The following FCHO2 variants were observed in gnomAD, a reference collection of about 807,000 sequenced individuals.
FCHO2 encodes FCH and mu domain containing endocytic adaptor 2.
Under a neutral mutation model 114.1 loss-of-function variants are expected in FCHO2, and 43 were observed. That is an observed-to-expected ratio of 0.38 (90% CI 0.30 to 0.49). The LOEUF is 0.49. FCHO2 is among the 20% of genes least tolerant of loss of function. The probability of loss-of-function intolerance (pLI) is 0.97; values close to 1 mark genes in which losing one functional copy is unlikely to be tolerated. For missense variants in FCHO2, 807 were observed against 950.4 expected, an observed-to-expected ratio of 0.85 and a Z score of 1.98; for synonymous variants, 293 against 315.2, an observed-to-expected ratio of 0.93 and a Z score of 0.75.
chr5:73,037,162 A>G lies in FCHO2; in HGVS notation c.861A>G (p.Arg287=). Residue 287 remains arginine, a synonymous_variant, in exon 10 of 26, where the codon AGA becomes AGG. Transcript: ENST00000430046. ...TTAAAGGTATAAAACCAAGGAAAAG[A>G]AAGACCTTTGCTTTGCCAGGAATCA... ...SAVEGIKPRK[R]KTFALPGIIK... is the part of the protein sequence containing the mutation. 2 of 1,589,804 alleles carry G rather than the reference A, an allele frequency of 1.3e-6. No homozygotes were observed. Among genetic ancestry groups the G allele is most frequent in the African/African-American group, 1.4e-5 (1 of 73,888 alleles).
intron 2 of FCHO2, among the ~76,000 whole-genome samples, chr5:72,985,318 C>T (rs371433349): frequency 3.3e-5 from 5 of 152,032 alleles, no homozygotes; most frequent in Non-Finnish European, 5.9e-5. Flanking sequence ...CATGCCCCCA[C>T]GCCCATCTAA....
Position 72,968,479 on chromosome 5 carries a change from A to G in FCHO2, c.34-19A>G. ...TTTATCTGTTTTTTTATGAAACTAAAAATCTTTTTAAATTTTAGGGGGAAA... is the reference window on the plus strand; with the variant it reads ...TTTATCTGTTTTTTTATGAAACTAAGAATCTTTTTAAATTTTAGGGGGAAA... On this transcript the variant is annotated intron_variant, in intron 1 of 25. Coordinates refer to ENST00000430046, the MANE Select transcript of FCHO2 (RefSeq NM_138782.3). The G allele has an allele frequency of 2.0e-6, 3 of 1,472,460 alleles. No individual in the cohort carries two copies. The highest frequency in any genetic ancestry group is 2.7e-6 in the Non-Finnish European group (3 of 1,111,888). 91.2% of individuals were successfully genotyped at this position (1,472,460 alleles called of 1,614,324 possible). A position where few individuals can be genotyped will look rare whatever the true frequency, so the allele number is the denominator to read the frequency against.
At chr5:73,078,458 C>T (rs1742988447) in intron 22 of FCHO2, 146 bp downstream of exon 22, 4 of 761,556 alleles carry the variant, frequency 5.3e-6, no homozygotes, top group Non-Finnish European at 6.2e-6. Flanking sequence ...GTTTATAAGC[C>T]AGTGGAGATT....
At chr5:73,012,541 C>G (rs575097027) in intron 6 of FCHO2, among the ~76,000 whole-genome samples, 28 of 151,154 alleles carry the variant, frequency 1.9e-4, no homozygotes, top group African/African-American at 5.4e-4. Context: ...GTTGCTTGAA[C>G]CCATGAGGCA....
At chr5:73,048,970 G>A (rs1052198383) in intron 11 of FCHO2, among the ~76,000 whole-genome samples, 10 of 143,764 alleles carry the variant, frequency 7.0e-5, no homozygotes, top group African/African-American at 2.6e-4. Context: ...TCCGCCTCCC[G>A]GGTTCACGCC....
intron 5 of FCHO2, 59 bp from the exon 6 acceptor site, chr5:73,006,386 A>G (rs1364686538): frequency 9.7e-7 from 1 of 1,027,350 alleles, no homozygotes; most frequent in Middle Eastern, 3.0e-4. Context: ...ATTAACTTAC[A>G]TTAGGAAAGA....
Position 73,046,972 on chromosome 5 carries a change from G to C in FCHO2, c.940-4377G>C, listed in dbSNP as rs191392058. Among the ~76,000 whole-genome samples, 358 of 152,302 alleles carry C rather than the reference G, an allele frequency of 2.4e-3. 1 individual carries two copies. The highest frequency in any genetic ancestry group is 4.0e-3 in the Non-Finnish European group (275 of 68,022). On this transcript the variant is annotated intron_variant, in intron 11 of 25. Coordinates refer to ENST00000430046, the MANE Select transcript of FCHO2 (RefSeq NM_138782.3). ...TATCTTTCTTGCTGAGCTTTAGAAA[G>C]TGATTAGAAGAACAGAATACCTTAC...
At chr5:73,064,172 T>C (rs1405223156) in intron 18 of FCHO2, among the ~76,000 whole-genome samples, 1 of 152,046 alleles carries the variant, frequency 6.6e-6, no homozygotes, top group Non-Finnish European at 1.5e-5. Flanking sequence ...CCTGAGAAAG[T>C]TGGCACATTA....
At chr5:73,004,472 G>A (rs1385908877) in intron 5 of FCHO2, among the ~76,000 whole-genome samples, 1 of 152,122 alleles carries the variant, frequency 6.6e-6, no homozygotes, top group African/African-American at 2.4e-5. Flanking sequence ...TCAGTAACTC[G>A]GATATATCTT....
chr5:73,055,648 A>G (rs1329606328), intron 15 of FCHO2, among the ~76,000 whole-genome samples: 3 of 152,228 alleles, frequency 2.0e-5, no homozygotes, highest in Non-Finnish European at 4.4e-5. Context: ...TCAAGAGTTA[A>G]TAACTACTTT....
chr5:72,974,569 C>T (rs941460896), intron 2 of FCHO2, among the ~76,000 whole-genome samples: 2 of 151,552 alleles, frequency 1.3e-5, no homozygotes. Context: ...GATCTTCCTC[C>T]ATCCCTTTAT....
At chr5:72,986,483 T>C (rs566263452) in intron 2 of FCHO2, among the ~76,000 whole-genome samples, 2 of 152,196 alleles carry the variant, frequency 1.3e-5, no homozygotes, top group African/African-American at 2.4e-5. Context: ...AGGAAGAAGC[T>C]GCCCGACATA....
intron 24 of FCHO2, among the ~76,000 whole-genome samples, chr5:73,086,736 A>T (rs1036967358): frequency 6.6e-6 from 1 of 151,994 alleles, no homozygotes; most frequent in African/African-American, 2.4e-5. Flanking sequence ...ATCTTTGGTG[A>T]CTTCCCATGG....
chr5:73,005,570 T>C (rs1580087277), intron 5 of FCHO2, among the ~76,000 whole-genome samples: 1 of 152,130 alleles, frequency 6.6e-6, no homozygotes, highest in East Asian at 1.9e-4. Context: ...AACTCTTTTT[T>C]AGTCCAACCA....
At chr5:73,023,752 A>G (rs371883016) in intron 8 of FCHO2, among the ~76,000 whole-genome samples, 273 of 152,286 alleles carry the variant, frequency 1.8e-3, no homozygotes, top group Middle Eastern at 0.01. Flanking sequence ...ACACACAGAA[A>G]TATGTTGGAA....
intron 2 of FCHO2, among the ~76,000 whole-genome samples, chr5:72,978,425 A>G (rs1013682711): frequency 7.9e-5 from 12 of 152,142 alleles, no homozygotes; most frequent in Admixed American, 3.3e-4. Context: ...TTATTGGTGT[A>G]TAGGAATGCT....
intron 5 of FCHO2, among the ~76,000 whole-genome samples, chr5:73,001,443 T>C (rs1414981836): frequency 8.4e-6 from 1 of 119,180 alleles, no homozygotes; most frequent in East Asian, 2.5e-4. Flanking sequence ...AGCGAGATCC[T>C]GTCTCAAAAA....
Position 73,006,456 on chromosome 5 carries a change from A to T in FCHO2, c.507A>T (p.Lys169Asn). Residue 169 changes from lysine (K) to asparagine (N), a missense_variant, in exon 6 of 26, where the codon AAA becomes AAT. By Grantham distance (94) the Lys-to-Asn change is moderately conservative. Transcript: ENST00000430046. ...TQREIEKAAV[K>N]SKKATDTYKL... ...TTATTTTATTACAGGCAGCTGTTAAATCTAAGAAAGCTACAGATACCTATA... is the reference window on the plus strand; with the variant it reads ...TTATTTTATTACAGGCAGCTGTTAATTCTAAGAAAGCTACAGATACCTATA... 1 of 1,529,578 alleles carries T rather than the reference A, an allele frequency of 6.5e-7. No homozygotes were observed. The highest frequency in any genetic ancestry group is 8.7e-7 in the Non-Finnish European group (1 of 1,147,430). The allele number at this position is 1,529,578 out of a possible 1,614,324, so 94.8% of individuals were successfully genotyped here. A position where few individuals can be genotyped will look rare whatever the true frequency, so the allele number is the denominator to read the frequency against.
intron 1 of FCHO2, among the ~76,000 whole-genome samples, chr5:72,967,787 T>C (rs1407966175): frequency 6.6e-6 from 1 of 150,886 alleles, no homozygotes; most frequent in African/African-American, 2.4e-5. Context: ...GCCCGGCTAA[T>C]TTTTGTATTT....
Sources: gnomAD v4.1 joint callset for allele counts (sites outside exome capture counted in the v4.1 genomes callset) on GRCh38, gnomAD v4.1.1 for gene constraint, MANE v1.5 for transcripts, NCBI Gene and HGNC (gene_info 2026-07-23, HGNC 2026-07-21) for gene names.